PCDH9: variants seen among roughly 807,000 people sequenced by gnomAD.
The protein encoded by PCDH9 is protocadherin 9.
PCDH9 carries 24 observed loss-of-function variants against 70.6 expected under a neutral mutation model. The observed-to-expected ratio is 0.34, with a 90% CI of 0.25 to 0.48. The LOEUF (loss-of-function observed/expected upper bound fraction) is 0.48, where lower values mean the gene tolerates loss of function less well. Ranked by LOEUF, PCDH9 falls within the 20% of genes least tolerant of loss-of-function variation. The pLI is 0.99. For missense variants in PCDH9, 1,281 were observed against 1,503.6 expected, an observed-to-expected ratio of 0.85 and a Z score of 2.45; for synonymous variants, 562 against 558.5, an observed-to-expected ratio of 1.01 and a Z score of -0.09.
chr13:66,799,866 TG>T (rs1213578543), intron 3 of PCDH9, among the ~76,000 whole-genome samples: 1 of 152,144 alleles, frequency 6.6e-6, no homozygotes, highest in East Asian at 1.9e-4. Context: ...AGAGTTTTGT[TG>T]GTTAAATAAT....
chr13:66,325,508 CAGTT>C (rs765351541), intron 4 of PCDH9, among the ~76,000 whole-genome samples: 26 of 152,036 alleles, frequency 1.7e-4, no homozygotes, highest in Non-Finnish European at 3.4e-4. Context: ...GCCTATTCCA[CAGTT>C]AGAGCTGACA....
rs996491535 is a variant in PCDH9 at position 66,460,130 on chromosome 13, T to C, written c.3341-155102A>G. The stretch of plus-strand genomic sequence containing the variant: ...ACAGGTAATGACTTCCATGCAGAGA[T>C]ATAAAACATAAACATTACCCATATT... On this transcript the variant is annotated intron_variant, in intron 4 of 4. Coordinates refer to ENST00000377865, the MANE Select transcript of PCDH9 (RefSeq NM_203487.3). Among the ~76,000 whole-genome samples the C allele has an allele frequency of 5.3e-5, 8 of 152,020 alleles. No homozygotes were observed. The East Asian group carries it at 1.4e-3, about 26-fold the overall frequency.
chr13:66,490,839 G>T (rs1959022105), intron 4 of PCDH9, among the ~76,000 whole-genome samples: 1 of 152,030 alleles, frequency 6.6e-6, no homozygotes, highest in African/African-American at 2.4e-5. Flanking sequence ...TTTCTCATAG[G>T]TAAAAGTTAA....
intron 2 of PCDH9, among the ~76,000 whole-genome samples, chr13:66,934,928 G>C (rs1174510119): frequency 1.3e-5 from 2 of 150,636 alleles, no homozygotes; most frequent in Admixed American, 6.6e-5. Flanking sequence ...CACCGTGTTA[G>C]CCAGGATGGT....
intron 3 of PCDH9, among the ~76,000 whole-genome samples, chr13:66,787,556 C>T (rs1485045152): frequency 6.6e-6 from 1 of 151,816 alleles, no homozygotes; most frequent in African/African-American, 2.4e-5. Flanking sequence ...ACGGAGGCTG[C>T]AGTGAGCTGA....
At chr13:66,472,270 G>A (rs1958634728) in intron 4 of PCDH9, among the ~76,000 whole-genome samples, 2 of 150,722 alleles carry the variant, frequency 1.3e-5, no homozygotes, top group South Asian at 4.2e-4. Context: ...GTTCACCTTT[G>A]CCTGAAAGAA....
intron 4 of PCDH9, among the ~76,000 whole-genome samples, chr13:66,332,822 GTATA>G (rs148772791): frequency 6.8e-6 from 1 of 147,830 alleles, no homozygotes; most frequent in Admixed American, 6.8e-5. Flanking sequence ...ATATATATAT[GTATA>G]TATATATATA....
At chr13:66,913,503 T>C (rs1488076286) in intron 2 of PCDH9, among the ~76,000 whole-genome samples, 2 of 151,950 alleles carry the variant, frequency 1.3e-5, no homozygotes, top group Non-Finnish European at 2.9e-5. Context: ...TACCACCGGC[T>C]ATGTAGGGGG....
chr13:66,393,416 G>A (rs9529056), intron 4 of PCDH9, among the ~76,000 whole-genome samples: 10,787 of 152,134 alleles, frequency 0.071, 430 homozygotes, highest in East Asian at 0.11. Flanking sequence ...AAGCTCTACA[G>A]GGAAAGAAGC....
intron 3 of PCDH9, among the ~76,000 whole-genome samples, chr13:66,883,486 A>T (rs547111469): frequency 2.6e-4 from 39 of 152,234 alleles, no homozygotes; most frequent in Non-Finnish European, 4.1e-4. Flanking sequence ...TCATTTGCTG[A>T]CTGAAGATAT....
At chr13:67,077,726 G>T (rs745417530) in intron 2 of PCDH9, among the ~76,000 whole-genome samples, 1 of 151,722 alleles carries the variant, frequency 6.6e-6, no homozygotes, top group Non-Finnish European at 1.5e-5. Context: ...CCCAATATTT[G>T]ATTCTATTGT....
chr13:67,185,731 G>GTGTATT (rs1555317252), intron 2 of PCDH9, among the ~76,000 whole-genome samples: 1 of 152,030 alleles, frequency 6.6e-6, no homozygotes. Context: ...GAAGATTTCT[G>GTGTATT]TGTTTTTGTT....
intron 3 of PCDH9, among the ~76,000 whole-genome samples, chr13:66,787,160 A>G (rs2080092820): frequency 6.6e-6 from 1 of 152,140 alleles, no homozygotes; most frequent in African/African-American, 2.4e-5. Flanking sequence ...CCTCAACCCC[A>G]TGCTGTACCA....
chr13:67,105,374 C>A (rs931241248), intron 2 of PCDH9, among the ~76,000 whole-genome samples: 1 of 151,988 alleles, frequency 6.6e-6, no homozygotes, highest in Non-Finnish European at 1.5e-5. Context: ...TTTATATTAG[C>A]CCATAAAACA....
chr13:66,314,530 A>G (rs1175023044), intron 4 of PCDH9, among the ~76,000 whole-genome samples: 1 of 152,224 alleles, frequency 6.6e-6, no homozygotes, highest in Admixed American at 6.5e-5. Context: ...GGTCTTACAC[A>G]ACATAAATAT....
chr13:66,473,507 T>G (rs1188043514), intron 4 of PCDH9, among the ~76,000 whole-genome samples: 2 of 152,088 alleles, frequency 1.3e-5, no homozygotes, highest in Non-Finnish European at 2.9e-5. Context: ...GAACCTAATA[T>G]GTATATCTCT....
At chr13:66,879,381 T>C (rs1267825053) in intron 3 of PCDH9, among the ~76,000 whole-genome samples, 2 of 152,126 alleles carry the variant, frequency 1.3e-5, no homozygotes, top group Admixed American at 1.3e-4. Context: ...CTCCAAAATG[T>C]ATTCTTATAT....
At chr13:66,699,645 T>G (rs1373516579) in intron 3 of PCDH9, among the ~76,000 whole-genome samples, 3 of 152,142 alleles carry the variant, frequency 2.0e-5, no homozygotes, top group Non-Finnish European at 4.4e-5. Context: ...AAAGGGATTC[T>G]TTGCCTAGAG....
intron 3 of PCDH9, among the ~76,000 whole-genome samples, chr13:66,651,100 A>G (rs2077845012): frequency 6.6e-6 from 1 of 151,960 alleles, no homozygotes; most frequent in South Asian, 2.1e-4. Context: ...CTTCAAGTAA[A>G]CAACCTAAAA....
Sources: gnomAD v4.1 joint callset for allele counts (sites outside exome capture counted in the v4.1 genomes callset) on GRCh38, gnomAD v4.1.1 for gene constraint, MANE v1.5 for transcripts, NCBI Gene and HGNC (gene_info 2026-07-23, HGNC 2026-07-21) for gene names.